Variants in SUFU observed in about 807,000 individuals in gnomAD.
The protein encoded by SUFU is SUFU negative regulator of hedgehog signaling, also known as suppressor of fused homolog.
A neutral mutation model predicts 58.9 loss-of-function variants in SUFU; 7 were observed. The ratio of observed to expected loss-of-function variants is 0.12; its 90% CI spans 0.07 to 0.22. The LOEUF (loss-of-function observed/expected upper bound fraction) is 0.22. SUFU is among the 10% of genes least tolerant of loss of function. The pLI, the probability that SUFU is intolerant of heterozygous loss-of-function variation, is 1.00. For synonymous variants in SUFU, 232 were observed against 254.8 expected (o/e 0.91, Z 0.85); for missense variants, 451 against 641.3 (o/e 0.70, Z 3.20).
At chr10:102,567,409 A>G (rs2063103031) in intron 3 of SUFU, among the ~76,000 whole-genome samples, 1 of 152,060 alleles carries the variant, frequency 6.6e-6, no homozygotes, top group African/African-American at 2.4e-5. Context: ...CGTAAGCCAT[A>G]CACAGTACTG....
chr10:102,629,052 A>T lies in SUFU; in HGVS notation c.1366-1014A>T, dbSNP rs1411184392. On this transcript the variant is annotated intron_variant, in intron 11 of 11. Transcript: ENST00000369902. This position sits in a 1 kb window ranked among gnomAD's most constrained non-coding sequence, Gnocchi z 4.7. ...ATGCCTGTAATCTCAGCTACTCGGGAGGCTGAGGCACGAGAATCGCTTGAA... is the reference window on the plus strand; with the variant it reads ...ATGCCTGTAATCTCAGCTACTCGGGTGGCTGAGGCACGAGAATCGCTTGAA... Among the ~76,000 whole-genome samples, 1 of 152,146 alleles carries T rather than the reference A, an allele frequency of 6.6e-6. No individual in the cohort carries two copies. The highest frequency in any genetic ancestry group is 1.5e-5 in the Non-Finnish European group (1 of 68,028).
chr10:102,597,054 A>G, intron 6 of SUFU, 86 bp from the exon 7 acceptor site: 1 of 1,503,980 alleles, frequency 6.6e-7, no homozygotes, highest in Non-Finnish European at 9.2e-7. Flanking sequence ...CTCAGTAAAT[A>G]CTGTAAGAGC....
At chr10:102,550,742 C>CT (rs34653144) in intron 3 of SUFU, among the ~76,000 whole-genome samples, 36,352 of 139,178 alleles carry the variant, frequency 0.26, 5,180 homozygotes, top group South Asian at 0.35. Flanking sequence ...GTTACAGTGA[C>CT]TTTTTTTTTT....
intron 8 of SUFU, among the ~76,000 whole-genome samples, chr10:102,608,560 C>A (rs2063586914): frequency 6.6e-6 from 1 of 152,078 alleles, no homozygotes; most frequent in Admixed American, 6.6e-5. Context: ...GTGTCTGTCT[C>A]AGGGGCACAG....
At chr10:102,615,611 CAG>C (rs1394597778) in intron 9 of SUFU, among the ~76,000 whole-genome samples, 1 of 152,192 alleles carries the variant, frequency 6.6e-6, no homozygotes, top group African/African-American at 2.4e-5. Context: ...GGCTGGGTCT[CAG>C]GGAGGGAGGA....
intron 2 of SUFU, among the ~76,000 whole-genome samples, chr10:102,531,158 G>A (rs973308427): frequency 1.9e-4 from 29 of 151,972 alleles, no homozygotes; most frequent in Non-Finnish European, 3.4e-4. Context: ...AGGAGACTGA[G>A]GCAGGAGGAT....
chr10:102,606,338 C>G (rs981806371), intron 8 of SUFU, among the ~76,000 whole-genome samples: 2 of 152,144 alleles, frequency 1.3e-5, no homozygotes, highest in African/African-American at 4.8e-5. Context: ...ATAAACCACC[C>G]CTTGGTGTGG....
At chr10:102,630,028 C>G (rs1267299374) in intron 11 of SUFU, 38 bp from the exon 12 acceptor site, 1 of 1,579,368 alleles carries the variant, frequency 6.3e-7, no homozygotes, top group Non-Finnish European at 8.7e-7. Flanking sequence ...ATTCTGCTAA[C>G]CACTCACACT....
chr10:102,622,916 A>G (rs11191353), intron 10 of SUFU, among the ~76,000 whole-genome samples: 57,154 of 149,094 alleles, frequency 0.38, 11,284 homozygotes, highest in East Asian at 0.52. Context: ...ACTTGAACCC[A>G]GGAGGCAGAG....
chr10:102,532,243 G>T (rs1404449005), intron 2 of SUFU, among the ~76,000 whole-genome samples: 1 of 152,072 alleles, frequency 6.6e-6, no homozygotes, highest in Admixed American at 6.5e-5. Flanking sequence ...TGCTGGGATT[G>T]CAGGCGTGAG....
chr10:102,610,040 CA>C (rs1286835057), intron 8 of SUFU, among the ~76,000 whole-genome samples: 1 of 151,994 alleles, frequency 6.6e-6, no homozygotes, highest in Non-Finnish European at 1.5e-5. Context: ...TAATTTTTTC[CA>C]AAGACCGCTA....
rs2135882575 is a variant in SUFU, at chr10:102,597,312, C to T, written c.910+19C>T. ...GGCAAAGGTGGGAGCCATCACTCAG[C>T]ATTCCACCAGCCTTCCTCCTTCCTT... On this transcript the variant is annotated intron_variant, in intron 7 of 11. Transcript: ENST00000369902. 6.2e-7 allele frequency: 1 copy of T among 1,608,898 alleles called. No homozygotes were observed. The highest frequency in any genetic ancestry group is 8.5e-7 in the Non-Finnish European group (1 of 1,177,416).
chr10:102,555,273 A>C (rs1300959534), intron 3 of SUFU, among the ~76,000 whole-genome samples: 8 of 148,728 alleles, frequency 5.4e-5, no homozygotes, highest in African/African-American at 2.5e-5. Flanking sequence ...GTCTCACAAA[A>C]AAAAAAAAAA....
intron 3 of SUFU, 51 bp from the exon 4 acceptor site, chr10:102,592,531 G>C: frequency 6.2e-7 from 1 of 1,611,286 alleles, no homozygotes; most frequent in South Asian, 1.1e-5. Context: ...CCAGATTCCA[G>C]GCCTGGATCT....
chr10:102,524,318 TCTTTTCTTTTC>T (rs1412054435), intron 2 of SUFU, among the ~76,000 whole-genome samples: 1 of 137,502 alleles, frequency 7.3e-6, no homozygotes, highest in East Asian at 2.1e-4. Context: ...TTTTTCTTTT[TCTTTTCTTTTC>T]TTTTTTTTTT....
intron 2 of SUFU, among the ~76,000 whole-genome samples, chr10:102,534,966 C>G (rs7896857): frequency 1.3e-5 from 2 of 152,110 alleles, no homozygotes; most frequent in Admixed American, 6.6e-5. Flanking sequence ...AGGAAAAGGT[C>G]TGCAGGTCTA....
In SUFU at chr10:102,631,561, A is replaced by G. The variant is rs1245754812; in HGVS notation, c.*1406A>G. ...CAAGATCACTCTTTACACCTCTTCA[A>G]AGCAAAGTCATGACAATGCAGGGCT... On this transcript the variant is annotated 3_prime_UTR_variant, in exon 12 of 12. Transcript: ENST00000369902. 3 of 233,268 alleles carry G rather than the reference A, an allele frequency of 1.3e-5. No individual in the cohort carries two copies. Among genetic ancestry groups the G allele is most frequent in the East Asian group, 1.2e-4 (2 of 16,602 alleles). The allele number at this position is 233,268 out of a possible 1,614,324, so 14.4% of individuals were successfully genotyped here. A position where few individuals can be genotyped will look rare whatever the true frequency, so the allele number is the denominator to read the frequency against.
intron 1 of SUFU, among the ~76,000 whole-genome samples, chr10:102,507,653 C>T (rs1231486299): frequency 2.0e-5 from 3 of 152,242 alleles, no homozygotes; most frequent in Non-Finnish European, 4.4e-5. Flanking sequence ...CAAATAATAT[C>T]CTGGTGAAAG....
intron 9 of SUFU, 104 bp downstream of exon 9, chr10:102,615,506 C>T (rs571986298): frequency 1.5e-4 from 241 of 1,555,752 alleles, no homozygotes; most frequent in Non-Finnish European, 2.1e-4. Context: ...CAGGCGTCCT[C>T]CAGGGCCTCC....
Sources: gnomAD v4.1 joint callset for allele counts (sites outside exome capture counted in the v4.1 genomes callset) on GRCh38, gnomAD v4.1.1 for gene constraint, Gnocchi (gnomAD v3.1) non-coding constraint, MANE v1.5 for transcripts, NCBI Gene and HGNC (gene_info 2026-07-23, HGNC 2026-07-21) for gene names.